Variants in SV2C observed in about 807,000 individuals in gnomAD.
SV2C encodes synaptic vesicle glycoprotein 2C, also known as solute carrier family 22 member B3.
A neutral mutation model predicts 79.7 loss-of-function variants in SV2C; 49 were observed. The observed-to-expected ratio is 0.61, with a 90% CI of 0.49 to 0.78. SV2C has a LOEUF of 0.78. Among genes scored for constraint, SV2C ranks in the 30% least tolerant of loss-of-function variants. The probability of loss-of-function intolerance (pLI) is 0.00; values close to 1 mark genes in which losing one functional copy is unlikely to be tolerated. For missense variants in SV2C, 833 were observed against 912.9 expected (o/e 0.91, Z 1.13); for synonymous variants, 334 against 333.2 (o/e 1.00, Z -0.03).
At chr5:75,936,345 C>T in the SV2C span, among the ~76,000 whole-genome samples, 28 of 152,312 alleles carry the variant, frequency 1.8e-4, 1 homozygote, top group African/African-American at 6.5e-4. Context: ...TCACTACCAT[C>T]TTGGGCTGAG....
At chr5:76,282,139 A>G (rs1747217108) in intron 4 of SV2C, among the ~76,000 whole-genome samples, 1 of 152,256 alleles carries the variant, frequency 6.6e-6, no homozygotes, top group African/African-American at 2.4e-5. Context: ...GCACACACAC[A>G]ATACCTTTAA....
chr5:76,303,305 A>G (rs1436351462), intron 12 of SV2C, among the ~76,000 whole-genome samples: 2 of 152,216 alleles, frequency 1.3e-5, no homozygotes, highest in African/African-American at 4.8e-5. Flanking sequence ...AGCAAGATTA[A>G]GACTCTGCAG....
the SV2C span, among the ~76,000 whole-genome samples, chr5:75,978,974 C>A: frequency 2.6e-5 from 4 of 151,980 alleles, no homozygotes; most frequent in African/African-American, 9.7e-5. Context: ...AAAGCACGAC[C>A]CTGTCTCAAG....
chr5:76,174,819 G>T (rs1476042927), intron 2 of SV2C, among the ~76,000 whole-genome samples: 1 of 152,204 alleles, frequency 6.6e-6, no homozygotes, highest in Non-Finnish European at 1.5e-5. Flanking sequence ...ATAAGCAAGG[G>T]TCCTCCTGTT....
intron 4 of SV2C, among the ~76,000 whole-genome samples, chr5:76,249,318 A>G (rs1168324566): frequency 1.3e-5 from 2 of 152,172 alleles, no homozygotes; most frequent in African/African-American, 4.8e-5. Flanking sequence ...TCTAGAGCCC[A>G]TTGTTTATTT....
Position 76,346,250 on chromosome 5 carries a change from G to T in SV2C, c.2001-6880G>T, listed in dbSNP as rs546996866. 1.2e-3 allele frequency among the ~76,000 whole-genome samples: 179 copies of T among 152,268 alleles called. 1 individual carries two copies. Among genetic ancestry groups the T allele is most frequent in the Middle Eastern group, 6.8e-3 (2 of 294 alleles). ...GTATATGTAGGAAAATAATCAGGAG[G>T]CGATACATTCTGAGGATTTGTTACC... On this transcript the variant is annotated intron_variant, in intron 12 of 12. Coordinates refer to the SV2C transcript ENST00000322285.
the SV2C span, among the ~76,000 whole-genome samples, chr5:75,905,615 T>C: frequency 2.6e-5 from 4 of 151,974 alleles, no homozygotes; most frequent in East Asian, 5.8e-4. Context: ...TGGTCTGCAG[T>C]TGGGATGTCC....
At chr5:76,285,958 C>A in intron 6 of SV2C, 88 bp downstream of exon 6, 1 of 1,237,230 alleles carries the variant, frequency 8.1e-7, no homozygotes, top group Admixed American at 2.1e-5. Flanking sequence ...TTAGACTTTG[C>A]AAGTCATACG....
At chr5:75,896,052 C>G in the SV2C span, among the ~76,000 whole-genome samples, 1 of 151,478 alleles carries the variant, frequency 6.6e-6, no homozygotes, top group Non-Finnish European at 1.5e-5. Context: ...TTGGATAGTT[C>G]TTTTTTTATT....
At chr5:75,959,425 A>G in the SV2C span, among the ~76,000 whole-genome samples, 1 of 152,000 alleles carries the variant, frequency 6.6e-6, no homozygotes, top group Non-Finnish European at 1.5e-5. Context: ...GTTAGAACTG[A>G]TAATTCCTCT....
the SV2C span, among the ~76,000 whole-genome samples, chr5:75,876,033 C>G: frequency 6.6e-6 from 1 of 152,078 alleles, no homozygotes; most frequent in Admixed American, 6.6e-5. Flanking sequence ...GAGCTAAAAA[C>G]AGAACTACCA....
chr5:76,126,813 G>C (rs1748719790), intron 1 of SV2C, among the ~76,000 whole-genome samples: 1 of 152,188 alleles, frequency 6.6e-6, no homozygotes. Flanking sequence ...AAACGTGGCA[G>C]ATGTAGTGGG....
chr5:76,332,459 A>C lies in SV2C; in HGVS notation c.*6912A>C, dbSNP rs1022787928. The C allele has an allele frequency of 4.6e-5, 7 of 152,230 alleles. No homozygotes were observed. Among genetic ancestry groups the C allele is most frequent in the Admixed American group, 3.3e-4 (5 of 15,276 alleles). 9.4% of individuals were successfully genotyped at this position (152,230 alleles called of 1,614,324 possible). Reference sequence around the variant, plus strand: ...GAGTCAGTTGAGAAACATAGCTATTACTAAAAAATTAAATAAGATTAGATA... The same window carrying C: ...GAGTCAGTTGAGAAACATAGCTATTCCTAAAAAATTAAATAAGATTAGATA... On this transcript the variant is annotated 3_prime_UTR_variant, in exon 13 of 13. Coordinates refer to ENST00000502798, the MANE Select transcript of SV2C (RefSeq NM_014979.4).
At chr5:76,276,081 C>T (rs1007801539) in intron 4 of SV2C, among the ~76,000 whole-genome samples, 1 of 152,164 alleles carries the variant, frequency 6.6e-6, no homozygotes, top group South Asian at 2.1e-4. Flanking sequence ...CTTTATTCCA[C>T]GTTGCTGTCT....
the SV2C span, among the ~76,000 whole-genome samples, chr5:76,026,379 C>G: frequency 6.6e-6 from 1 of 152,084 alleles, no homozygotes; most frequent in Admixed American, 6.6e-5. Flanking sequence ...TACTATTGAC[C>G]ATACAAATAA....
intron 2 of SV2C, among the ~76,000 whole-genome samples, chr5:76,158,586 C>T (rs1018410389): frequency 2.6e-5 from 4 of 151,852 alleles, no homozygotes; most frequent in Admixed American, 6.6e-5. Flanking sequence ...AAACAGATAA[C>T]TCAACAATGG....
the SV2C span, among the ~76,000 whole-genome samples, chr5:75,923,762 T>C: frequency 8.5e-5 from 13 of 152,244 alleles, no homozygotes; most frequent in South Asian, 4.1e-4. Context: ...AAACAATAGA[T>C]ACTGTCATGG....
the SV2C span, among the ~76,000 whole-genome samples, chr5:76,020,059 C>CA: frequency 1.3e-5 from 2 of 151,982 alleles, no homozygotes; most frequent in Non-Finnish European, 2.9e-5. Context: ...ATTATATTGT[C>CA]AAAAAAACTC....
the SV2C span, among the ~76,000 whole-genome samples, chr5:75,958,554 T>C: frequency 6.6e-6 from 1 of 152,028 alleles, no homozygotes; most frequent in Non-Finnish European, 1.5e-5. Context: ...AAAACATTCT[T>C]GCATCCTTCG....
Sources: gnomAD v4.1 joint callset for allele counts (sites outside exome capture counted in the v4.1 genomes callset) on GRCh38, gnomAD v4.1.1 for gene constraint, MANE v1.5 for transcripts, NCBI Gene and HGNC (gene_info 2026-07-23, HGNC 2026-07-21) for gene names.